PARVA: variants seen among roughly 807,000 people sequenced by gnomAD.
PARVA encodes the protein parvin alpha.
Under a neutral mutation model 52.6 loss-of-function variants are expected in PARVA, and 25 were observed. The observed-to-expected ratio is 0.48, with a 90% CI of 0.35 to 0.66. The LOEUF (loss-of-function observed/expected upper bound fraction) is 0.66. PARVA is among the 30% of genes least tolerant of loss of function. The pLI is 0.01. For synonymous variants in PARVA, 185 were observed against 179.1 expected (o/e 1.03, Z -0.26); for missense variants, 373 against 450.9 (o/e 0.83, Z 1.56).
At chr11:12,524,784 G>A (rs1009114460) in intron 12 of PARVA, among the ~76,000 whole-genome samples, 1 of 152,238 alleles carries the variant, frequency 6.6e-6, no homozygotes, top group East Asian at 1.9e-4. Context: ...TAATATCCTT[G>A]GAGGGTCCAT....
chr11:12,425,567 C>G (rs1940219499), intron 1 of PARVA, among the ~76,000 whole-genome samples: 1 of 152,156 alleles, frequency 6.6e-6, no homozygotes, highest in African/African-American at 2.4e-5. Context: ...GTGATTCTCC[C>G]TGAGTGATTT....
Position 12,530,980 on chromosome 11 carries a change from C to A in PARVA, c.*3055C>A, listed in dbSNP as rs897235173. On this transcript the variant is annotated 3_prime_UTR_variant, in exon 13 of 13. Transcript: ENST00000334956. ...TTATCAGAGGCATCCTCATGTGCCT[C>A]GAACCGAATGTTTTTAAGTCCTCTT... Among the ~76,000 whole-genome samples, 1 of 152,252 alleles carries A rather than the reference C, an allele frequency of 6.6e-6. No individual in the cohort carries two copies. The highest frequency in any genetic ancestry group is 2.1e-4 in the South Asian group (1 of 4,816).
chr11:12,431,423 AC>A (rs1424281956), intron 1 of PARVA, among the ~76,000 whole-genome samples: 5 of 152,316 alleles, frequency 3.3e-5, no homozygotes, highest in African/African-American at 1.2e-4. Context: ...TGGCTGTGGG[AC>A]CCATCTGATT....
intron 1 of PARVA, among the ~76,000 whole-genome samples, chr11:12,434,625 C>T (rs1283262697): frequency 6.6e-6 from 1 of 152,148 alleles, no homozygotes; most frequent in African/African-American, 2.4e-5. Flanking sequence ...TCCTCCACCT[C>T]CTGGTCTCTT....
intron 5 of PARVA, among the ~76,000 whole-genome samples, chr11:12,497,082 A>C (rs1014349997): frequency 6.6e-6 from 1 of 152,194 alleles, no homozygotes; most frequent in Non-Finnish European, 1.5e-5. Flanking sequence ...GATCATAGGC[A>C]CTGAAACAAG....
chr11:12,397,809 G>C (rs1001005471), intron 1 of PARVA, among the ~76,000 whole-genome samples: 1 of 149,098 alleles, frequency 6.7e-6, no homozygotes, highest in Non-Finnish European at 1.5e-5. Flanking sequence ...CCCATTTTCT[G>C]GGGGAAGGTC....
intron 1 of PARVA, among the ~76,000 whole-genome samples, chr11:12,446,609 T>C (rs1940551527): frequency 6.6e-6 from 1 of 152,236 alleles, no homozygotes; most frequent in Non-Finnish European, 1.5e-5. Flanking sequence ...CTAGGATCAA[T>C]GAATATTATT....
rs575013810 is a variant in PARVA, at chr11:12,483,468, C to T, written c.400+5519C>T. ...CATAGCTGGGCCCTCTGAGAAACCA[C>T]GTAACAACACATCTCAGAATCACCC... On this transcript the variant is annotated intron_variant, in intron 4 of 12. Coordinates refer to ENST00000334956, the MANE Select transcript of PARVA (RefSeq NM_018222.5). 7.9e-5 allele frequency among the ~76,000 whole-genome samples: 12 copies of T among 152,336 alleles called. No homozygotes were observed. The South Asian group carries it at 8.3e-4, about 11-fold the overall frequency.
chr11:12,446,467 C>A (rs748037656), intron 1 of PARVA, among the ~76,000 whole-genome samples: 3 of 152,132 alleles, frequency 2.0e-5, no homozygotes, highest in Non-Finnish European at 4.4e-5. Flanking sequence ...AATCAGTCCT[C>A]CACTCTGACC....
intron 7 of PARVA, among the ~76,000 whole-genome samples, chr11:12,510,473 A>G (rs187632946): frequency 6.6e-6 from 1 of 152,384 alleles, no homozygotes; most frequent in Non-Finnish European, 1.5e-5. Flanking sequence ...TAGAGATGAG[A>G]GACCTGGTGC....
chr11:12,397,817 G>T (rs1348642105), intron 1 of PARVA, among the ~76,000 whole-genome samples: 3 of 143,758 alleles, frequency 2.1e-5, no homozygotes, highest in Non-Finnish European at 4.5e-5. Flanking sequence ...CTGGGGGAAG[G>T]TCTTTTTTTT....
Position 12,513,638 on chromosome 11 carries a change from T to C in PARVA, c.798+278T>C, listed in dbSNP as rs1291692090. On this transcript the variant is annotated intron_variant, in intron 9 of 12. Coordinates refer to ENST00000334956, the MANE Select transcript of PARVA (RefSeq NM_018222.5). ...TCCCCACTCCTCACAGAATTCCCTGTCTCCCTGGCCTAGGCACCTGTGCCG... is the reference window on the plus strand; with the variant it reads ...TCCCCACTCCTCACAGAATTCCCTGCCTCCCTGGCCTAGGCACCTGTGCCG... The C allele has an allele frequency of 1.4e-5, 9 of 623,886 alleles. No individual in the cohort carries two copies. The South Asian group carries it at 1.6e-4, about 11-fold the overall frequency. 38.6% of individuals were successfully genotyped at this position (623,886 alleles called of 1,614,324 possible).
upstream of PARVA, chr11:12,376,629 G>A (rs367708340): frequency 4.5e-6 from 2 of 440,372 alleles, no homozygotes; most frequent in African/African-American, 4.3e-5. Flanking sequence ...AATCAGCTGT[G>A]GCCTAGAAGG....
intron 1 of PARVA, among the ~76,000 whole-genome samples, chr11:12,425,496 T>C (rs1940218478): frequency 6.6e-6 from 1 of 152,176 alleles, no homozygotes; most frequent in Non-Finnish European, 1.5e-5. Context: ...ACACAAAAGT[T>C]CTCTTGCAGA....
At chr11:12,511,468 G>C in intron 7 of PARVA, 46 bp from the exon 8 acceptor site, 3 of 1,599,786 alleles carry the variant, frequency 1.9e-6, no homozygotes, top group Non-Finnish European at 2.6e-6. Flanking sequence ...CCTCTTATAA[G>C]GGACAAGAGA....
chr11:12,526,999 C>G (rs1272096380), intron 12 of PARVA, among the ~76,000 whole-genome samples: 1 of 152,100 alleles, frequency 6.6e-6, no homozygotes, highest in Non-Finnish European at 1.5e-5. Flanking sequence ...TGCCAGCTGC[C>G]AGTTTCCAGC....
chr11:12,453,479 G>A (rs899373388), intron 1 of PARVA, among the ~76,000 whole-genome samples: 1 of 152,126 alleles, frequency 6.6e-6, no homozygotes, highest in Non-Finnish European at 1.5e-5. Context: ...TAGAGAGGGT[G>A]TTGTCATTCT....
chr11:12,504,297 ATCT>A lies in PARVA; in HGVS notation c.542-12_542-10del, dbSNP rs554758900. ...TGGAAGAAGATGCTGTAATTTTTCA[ATCT>A]TCTTTCATTTCAGCTGTTCATGCCA... On this transcript the variant is annotated splice_polypyrimidine_tract_variant and intron_variant, in intron 5 of 12. Coordinates refer to ENST00000334956, the MANE Select transcript of PARVA (RefSeq NM_018222.5). 1.4e-6 allele frequency: 2 copies of A among 1,445,464 alleles called. No individual in the cohort carries two copies. Among genetic ancestry groups the A allele is most frequent in the Non-Finnish European group, 1.9e-6 (2 of 1,027,952 alleles). 89.5% of individuals were successfully genotyped at this position (1,445,464 alleles called of 1,614,324 possible).
chr11:12,475,368 G>A (rs1008819585), intron 3 of PARVA, among the ~76,000 whole-genome samples: 8 of 152,156 alleles, frequency 5.3e-5, no homozygotes, highest in South Asian at 2.1e-4. Context: ...TTCTGTTGTC[G>A]TCTCCACGTA....
Sources: allele counts gnomAD v4.1 joint callset (sites outside exome capture counted in the v4.1 genomes callset), GRCh38; gene constraint gnomAD v4.1.1; transcripts MANE v1.5; gene names NCBI Gene and HGNC (gene_info 2026-07-23, HGNC 2026-07-21).